Variants in CNTNAP5 observed in about 807,000 individuals in gnomAD.
CNTNAP5 encodes contactin-associated protein-like 5.
Under a neutral mutation model 150.2 loss-of-function variants are expected in CNTNAP5, and 72 were observed. The observed-to-expected ratio is 0.48, with a 90% CI of 0.40 to 0.58. The LOEUF (loss-of-function observed/expected upper bound fraction) is 0.58. CNTNAP5 is among the 20% of genes least tolerant of loss of function. CNTNAP5 has a pLI of 0.00. For synonymous variants in CNTNAP5, 672 were observed against 619.8 expected (o/e 1.08, Z -1.25); for missense variants, 1,636 against 1,626.2 (o/e 1.01, Z -0.10).
At position 124,786,340 on chromosome 2, in the gene CNTNAP5, A is replaced by AAAGAAAGGAAGG. The variant is rs1558774915; in HGVS notation, c.2753-3555_2753-3554insGAAGGAAGAAAG. 1.5e-3 allele frequency among the ~76,000 whole-genome samples: 181 copies of AAAGAAAGGAAGG among 116,920 alleles called. 5 individuals are homozygous for AAAGAAAGGAAGG. Among genetic ancestry groups the AAAGAAAGGAAGG allele is most frequent in the Middle Eastern group, 4.2e-3 (1 of 238 alleles). The allele number at this position is 116,920 out of a possible 152,430, so 76.7% of individuals were successfully genotyped here. On this transcript the variant is annotated intron_variant, in intron 17 of 23. Transcript: ENST00000682447. ...AAGAAAGGAAGAAAGAAAGAGAAAG[A>AAAGAAAGGAAGG]AAGAAAGAAAGGAAGAAAGAAAGAA...
rs200759902 is a variant in CNTNAP5, at chr2:124,747,295, C to G, written c.2144C>G (p.Pro715Arg). The G allele has an allele frequency of 8.8e-4, 1,418 of 1,613,788 alleles. 1 individual carries two copies. The highest frequency in any genetic ancestry group is 1.5e-3 in the Admixed American group (88 of 60,012). Reference sequence around the variant, plus strand: ...AGGCACCCTTACTGGGGAGGTTCCCCTCCTGGGGTCCAGCAGTGTGAGTGT... The same window carrying G: ...AGGCACCCTTACTGGGGAGGTTCCCGTCCTGGGGTCCAGCAGTGTGAGTGT... Reference protein sequence around the residue: ...NERHPYWGGSPPGVQQCECGL... With the variant: ...NERHPYWGGSRPGVQQCECGL... Residue 715 changes from proline to arginine, a missense_variant, in exon 14 of 24, where the codon CCT becomes CGT. Transcript: ENST00000682447.
intron 3 of CNTNAP5, 194 bp downstream of exon 3, chr2:124,242,587 CG>C (rs11347347): frequency 0.6 from 336,185 of 555,720 alleles, 103,316 homozygotes; most frequent in Middle Eastern, 0.64. Flanking sequence ...GGATGTCTGT[CG>C]CAAATAGTTT....
At chr2:124,588,395 G>T (rs1273229759) in intron 11 of CNTNAP5, among the ~76,000 whole-genome samples, 1 of 151,846 alleles carries the variant, frequency 6.6e-6, no homozygotes, top group East Asian at 1.9e-4. Context: ...CCAATAATTT[G>T]CATGCCTATC....
chr2:124,403,053 T>A (rs538669344), intron 3 of CNTNAP5, among the ~76,000 whole-genome samples: 150 of 152,338 alleles, frequency 9.8e-4, no homozygotes, highest in African/African-American at 3.3e-3. Context: ...TGTATCTTCT[T>A]AAATTAGAAA....
At position 124,591,098 on chromosome 2, in the gene CNTNAP5, G is replaced by T. The variant is rs1298395361; in HGVS notation, c.1757-18703G>T. 3.3e-5 allele frequency among the ~76,000 whole-genome samples: 5 copies of T among 152,116 alleles called. No homozygotes were observed. In the East Asian group the frequency reaches 9.6e-4, roughly 29 times the overall value. ...GAAGAGACTTAATATGTCTATCGTT[G>T]TCCTTTTCATTGAAGAGCACATATC... On this transcript the variant is annotated intron_variant, in intron 11 of 23. Transcript: ENST00000682447.
At chr2:124,687,949 GT>G (rs1679226294) in intron 13 of CNTNAP5, among the ~76,000 whole-genome samples, 8 of 152,152 alleles carry the variant, frequency 5.3e-5, no homozygotes, top group Admixed American at 5.2e-4. Flanking sequence ...CATTTTACTA[GT>G]ACTAATTCTG....
chr2:124,631,463 A>C (rs1677859098), intron 12 of CNTNAP5, among the ~76,000 whole-genome samples: 1 of 152,184 alleles, frequency 6.6e-6, no homozygotes, highest in Non-Finnish European at 1.5e-5. Flanking sequence ...TCACAAAAAC[A>C]AGCAATGGGG....
chr2:124,479,819 T>A (rs1236111484), intron 7 of CNTNAP5, among the ~76,000 whole-genome samples: 1 of 152,174 alleles, frequency 6.6e-6, no homozygotes, highest in Non-Finnish European at 1.5e-5. Context: ...CCCCACTCCA[T>A]GGCTTATTCA....
intron 1 of CNTNAP5, among the ~76,000 whole-genome samples, chr2:124,123,304 T>C (rs952610206): frequency 6.6e-6 from 1 of 152,128 alleles, no homozygotes; most frequent in Non-Finnish European, 1.5e-5. Flanking sequence ...CACTCATTGC[T>C]AGCACAGCAG....
chr2:124,362,750 C>G (rs72964688), intron 3 of CNTNAP5, among the ~76,000 whole-genome samples: 4,903 of 152,232 alleles, frequency 0.032, 273 homozygotes, highest in African/African-American at 0.11. Context: ...GCCATCTGTA[C>G]CTTTGAAGAG....
At chr2:124,685,452 T>C (rs149834795) in intron 13 of CNTNAP5, among the ~76,000 whole-genome samples, 2 of 151,924 alleles carry the variant, frequency 1.3e-5, no homozygotes, top group Non-Finnish European at 2.9e-5. Flanking sequence ...TCCTTGTAGG[T>C]TATGCATCTG....
intron 21 of CNTNAP5, 50 bp from the exon 22 acceptor site, chr2:124,902,832 T>C: frequency 1.5e-6 from 2 of 1,375,132 alleles, no homozygotes; most frequent in South Asian, 2.7e-5. Context: ...GCATATAATT[T>C]GGAAAAAACA....
intron 3 of CNTNAP5, among the ~76,000 whole-genome samples, chr2:124,304,141 G>A (rs111578835): frequency 6.6e-6 from 1 of 152,180 alleles, no homozygotes; most frequent in African/African-American, 2.4e-5. Context: ...TGTATATATT[G>A]TATACTTTAG....
chr2:124,738,156 ATGCCCCACACTAAATCTC>A (rs1680426289), intron 13 of CNTNAP5, among the ~76,000 whole-genome samples: 1 of 152,156 alleles, frequency 6.6e-6, no homozygotes. Flanking sequence ...GGTCATGAAC[ATGCCCCACACTAAATCTC>A]TGAGGCTTAA....
chr2:124,624,190 T>C (rs1221408372), intron 12 of CNTNAP5, among the ~76,000 whole-genome samples: 3 of 152,172 alleles, frequency 2.0e-5, no homozygotes, highest in Non-Finnish European at 2.9e-5. Flanking sequence ...AACTACTAAG[T>C]CATAAAGCTG....
chr2:124,406,460 A>G (rs1691573087), intron 3 of CNTNAP5, among the ~76,000 whole-genome samples: 1 of 152,218 alleles, frequency 6.6e-6, no homozygotes, highest in African/African-American at 2.4e-5. Context: ...CCTTGCAAAC[A>G]TTACAAGATA....
chr2:124,177,260 T>C (rs1381042074), intron 1 of CNTNAP5, among the ~76,000 whole-genome samples: 1 of 152,176 alleles, frequency 6.6e-6, no homozygotes, highest in Non-Finnish European at 1.5e-5. Flanking sequence ...CTTCTGTGGC[T>C]AGCCCCAGGG....
rs570806002 is a variant in CNTNAP5, at chr2:124,356,726, T to A, written c.382-60717T>A. Among the ~76,000 whole-genome samples, 9 of 152,124 alleles carry A rather than the reference T, an allele frequency of 5.9e-5. No homozygotes were observed. The South Asian group carries it at 1.7e-3, about 28-fold the overall frequency. The stretch of plus-strand genomic sequence containing the variant: ...TATCATTGTTAGACATTTGGGTTGG[T>A]TCCAAGTCTTTGCTATTGTGAATAA... On this transcript the variant is annotated intron_variant, in intron 3 of 23. Transcript: ENST00000682447.
Position 124,507,939 on chromosome 2 carries a change from G to A in CNTNAP5, c.1327+3383G>A, listed in dbSNP as rs550743631. ...CTTTTTATAATCTAATATTGAAAAT[G>A]GCATCTCGTCACTTCTGTCATATTC... On this transcript the variant is annotated intron_variant, in intron 8 of 23. Transcript: ENST00000682447. 8.5e-5 allele frequency among the ~76,000 whole-genome samples: 13 copies of A among 152,284 alleles called. No individual in the cohort carries two copies. In the East Asian group the frequency reaches 2.5e-3, roughly 29 times the overall value.
Sources: allele counts gnomAD v4.1 joint callset (sites outside exome capture counted in the v4.1 genomes callset), GRCh38; gene constraint gnomAD v4.1.1; transcripts MANE v1.5; gene names NCBI Gene and HGNC (gene_info 2026-07-23, HGNC 2026-07-21).